The following DIP2C variants were observed in gnomAD, a reference collection of about 807,000 sequenced individuals.
The protein encoded by DIP2C is disco-interacting protein 2 homolog C.
DIP2C carries 33 observed loss-of-function variants against 192.4 expected under a neutral mutation model. The ratio of observed to expected loss-of-function variants is 0.17; its 90% CI spans 0.13 to 0.23. DIP2C has a LOEUF of 0.23. Among genes scored for constraint, DIP2C ranks in the 10% least tolerant of loss-of-function variants. DIP2C has a pLI of 1.00. For synonymous variants in DIP2C, 979 were observed against 864.1 expected (o/e 1.13, Z -2.33); for missense variants, 1,537 against 2,110.1 (o/e 0.73, Z 5.32).
Position 387,230 on chromosome 10 carries a change from C to T in DIP2C, c.1662+515G>A, listed in dbSNP as rs1049906107. On this transcript the variant is annotated intron_variant, in intron 14 of 36. Coordinates refer to ENST00000280886, the MANE Select transcript of DIP2C (RefSeq NM_014974.3). ...GTGAGCCCTGGAAGGCTGTTTTCGG[C>T]AGCTGTAACCTCAATCCACGTGTCC... Among the ~76,000 whole-genome samples, 6 of 152,210 alleles carry T rather than the reference C, an allele frequency of 3.9e-5. No homozygotes were observed. In the East Asian group the frequency reaches 1.2e-3, roughly 29 times the overall value.
intron 1 of DIP2C, among the ~76,000 whole-genome samples, chr10:509,605 C>A (rs1052243654): frequency 6.6e-6 from 1 of 152,176 alleles, no homozygotes; most frequent in Non-Finnish European, 1.5e-5. Flanking sequence ...CCTCACTCTG[C>A]GCCAGGAGAT....
At chr10:603,891 A>C (rs1588573912) in intron 1 of DIP2C, among the ~76,000 whole-genome samples, 1 of 150,522 alleles carries the variant, frequency 6.6e-6, no homozygotes, top group South Asian at 2.1e-4. Context: ...ACAGCCCCAC[A>C]CCCCTCCGAC....
intron 1 of DIP2C, chr10:664,632 C>T: frequency 6.6e-6 from 1 of 152,164 alleles, no homozygotes; most frequent in East Asian, 1.9e-4. Context: ...ATCATTGGTA[C>T]TAAGAGTTGT....
intron 1 of DIP2C, among the ~76,000 whole-genome samples, chr10:523,457 T>C (rs112218402): frequency 8.2e-4 from 82 of 99,934 alleles, no homozygotes; most frequent in East Asian, 1.1e-3. Context: ...CACTCGTTTC[T>C]ACTGGATGCA....
At chr10:367,777 G>A (rs959125713) in intron 18 of DIP2C, among the ~76,000 whole-genome samples, 1 of 152,256 alleles carries the variant, frequency 6.6e-6, no homozygotes, top group South Asian at 2.1e-4. Context: ...GTTACGCGCT[G>A]ACAAAGGACC....
intron 5 of DIP2C, among the ~76,000 whole-genome samples, chr10:421,520 C>CAA (rs112436209): frequency 3.3e-5 from 5 of 150,492 alleles, no homozygotes; most frequent in African/African-American, 1.2e-4. Flanking sequence ...AATTTTATTA[C>CAA]AAAAAAAAAT....
intron 1 of DIP2C, among the ~76,000 whole-genome samples, chr10:500,790 C>G (rs1359234293): frequency 6.6e-6 from 1 of 152,220 alleles, no homozygotes; most frequent in Non-Finnish European, 1.5e-5. Flanking sequence ...CAAAACAAGA[C>G]AGGCCAGGTC....
intron 1 of DIP2C, among the ~76,000 whole-genome samples, chr10:512,337 T>A (rs1038757777): frequency 6.6e-6 from 1 of 152,136 alleles, no homozygotes; most frequent in Non-Finnish European, 1.5e-5. Context: ...GGCAGGCAGA[T>A]TGCTTGAGCC....
chr10:333,731 G>A (rs1031411995), intron 29 of DIP2C, among the ~76,000 whole-genome samples: 2 of 152,206 alleles, frequency 1.3e-5, no homozygotes, highest in Non-Finnish European at 2.9e-5. Flanking sequence ...CACTATCAAT[G>A]TATGAGAATT....
At chr10:427,526 GTATAAGGCACC>G (rs1966669429) in intron 4 of DIP2C, among the ~76,000 whole-genome samples, 1 of 152,096 alleles carries the variant, frequency 6.6e-6, no homozygotes. Flanking sequence ...CGTTCAGATC[GTATAAGGCACC>G]TATAACCCAT....
intron 25 of DIP2C, 70 bp from the exon 26 acceptor site, chr10:348,832 T>G: frequency 6.4e-7 from 1 of 1,573,936 alleles, no homozygotes; most frequent in Non-Finnish European, 8.6e-7. Context: ...CCTGTCAGCA[T>G]CAATGCTTGT....
At chr10:629,386 G>A (rs1331420502) in intron 1 of DIP2C, among the ~76,000 whole-genome samples, 4 of 152,132 alleles carry the variant, frequency 2.6e-5, no homozygotes, top group Non-Finnish European at 5.9e-5. Flanking sequence ...GGAGCCCCCT[G>A]GACACACAGA....
At chr10:681,650 C>T (rs1831138777) in intron 1 of DIP2C, among the ~76,000 whole-genome samples, 1 of 152,130 alleles carries the variant, frequency 6.6e-6, no homozygotes, top group Non-Finnish European at 1.5e-5. Flanking sequence ...GGAACACAGA[C>T]CCTCAGTCAC....
At chr10:450,275 T>C (rs958497302) in intron 3 of DIP2C, among the ~76,000 whole-genome samples, 2 of 152,156 alleles carry the variant, frequency 1.3e-5, no homozygotes, top group Admixed American at 6.5e-5. Flanking sequence ...TGCATTTGAA[T>C]GACTTTTCTT....
intron 1 of DIP2C, among the ~76,000 whole-genome samples, chr10:588,423 G>A (rs1364686399): frequency 6.6e-6 from 1 of 152,248 alleles, no homozygotes; most frequent in Admixed American, 6.5e-5. Context: ...ATCTCCGGGG[G>A]TCTCAAGGGA....
At chr10:396,829 G>C (rs918260404) in intron 10 of DIP2C, among the ~76,000 whole-genome samples, 9 of 64,968 alleles carry the variant, frequency 1.4e-4, no homozygotes, top group South Asian at 1.2e-3. Flanking sequence ...AATCCGGTGG[G>C]GGGGGGGGAA....
chr10:389,914 G>A (rs1327212378), intron 13 of DIP2C, 77 bp downstream of exon 13: 12 of 1,145,702 alleles, frequency 1.0e-5, no homozygotes, highest in Admixed American at 8.3e-5. Flanking sequence ...ATGGCTCCTC[G>A]TGGGAGTGAT....
chr10:438,428 C>A (rs944908397), intron 4 of DIP2C, among the ~76,000 whole-genome samples: 1 of 152,138 alleles, frequency 6.6e-6, no homozygotes, highest in Non-Finnish European at 1.5e-5. Flanking sequence ...AGAACACATA[C>A]AAATAACATT....
intron 1 of DIP2C, among the ~76,000 whole-genome samples, chr10:639,759 T>C (rs1855060568): frequency 6.6e-6 from 1 of 152,212 alleles, no homozygotes. Flanking sequence ...ACAGATTACA[T>C]CAAGGCCCTA....
Sources: allele counts gnomAD v4.1 joint callset (sites outside exome capture counted in the v4.1 genomes callset), GRCh38; gene constraint gnomAD v4.1.1; transcripts MANE v1.5; gene names NCBI Gene and HGNC (gene_info 2026-07-23, HGNC 2026-07-21).